The following CDC14A variants were observed in gnomAD, a reference collection of about 807,000 sequenced individuals.
CDC14A encodes dual specificity protein phosphatase CDC14A.
CDC14A carries 53 observed loss-of-function variants against 74.4 expected under a neutral mutation model. The ratio of observed to expected loss-of-function variants is 0.71; its 90% CI spans 0.57 to 0.89. The LOEUF (loss-of-function observed/expected upper bound fraction) is 0.89, where lower values mean the gene tolerates loss of function less well. CDC14A is among the 40% of genes least tolerant of loss of function. The pLI is 0.00. For missense variants in CDC14A, 646 were observed against 713.7 expected (o/e 0.91, Z 1.08); for synonymous variants, 247 against 258.4 (o/e 0.96, Z 0.43).
intron 7 of CDC14A, among the ~76,000 whole-genome samples, chr1:100,447,275 G>A: frequency 6.6e-6 from 1 of 152,174 alleles, no homozygotes; most frequent in Admixed American, 6.5e-5. Flanking sequence ...CTTAAAAATG[G>A]CCCATTGTAT....
chr1:100,352,348 C>T (rs1570928844), upstream of CDC14A: 3 of 537,178 alleles, frequency 5.6e-6, no homozygotes, highest in Non-Finnish European at 4.7e-6. Context: ...GGGGCTGCTG[C>T]GGAGAAAGGA....
intron 10 of CDC14A, among the ~76,000 whole-genome samples, chr1:100,477,611 G>A (rs935136775): frequency 1.3e-5 from 2 of 151,398 alleles, no homozygotes; most frequent in Non-Finnish European, 3.0e-5. Context: ...GACATTTCAA[G>A]AAAAAAGAAA....
chr1:100,453,612 CTTAGA>C (rs1270013385), intron 7 of CDC14A, among the ~76,000 whole-genome samples: 1 of 152,008 alleles, frequency 6.6e-6, no homozygotes, highest in Non-Finnish European at 1.5e-5. Context: ...CTCAGGGTTT[CTTAGA>C]TTTTACTTAG....
At chr1:100,413,472 AT>A (rs1661132451) in intron 4 of CDC14A, among the ~76,000 whole-genome samples, 1 of 152,248 alleles carries the variant, frequency 6.6e-6, no homozygotes, top group African/African-American at 2.4e-5. Flanking sequence ...GCTTCTTAAA[AT>A]TTTAATTTTA....
chr1:100,516,489 C>G lies in CDC14A; in HGVS notation c.1756-1762C>G, dbSNP rs563310945. ...TCTGATTTCTGTTAGTGATAACATG[C>G]ACAACTTTACTAATCGGAACAAAAG... is the stretch of plus-strand genomic sequence containing the variant. On this transcript the variant is annotated intron_variant, in intron 15 of 15. Transcript: ENST00000336454. 4.6e-5 allele frequency among the ~76,000 whole-genome samples: 7 copies of G among 152,224 alleles called. No homozygotes were observed. In the East Asian group the frequency reaches 1.4e-3, roughly 29 times the overall value.
At chr1:100,351,676 C>T (rs1386325430), upstream of CDC14A, 8 of 1,436,406 alleles carry the variant, frequency 5.6e-6, no homozygotes, top group African/African-American at 4.2e-5. Context: ...CCCTCCGGGA[C>T]CGGAGCACTG....
At chr1:100,428,498 G>A (rs1663216438) in intron 5 of CDC14A, among the ~76,000 whole-genome samples, 1 of 152,326 alleles carries the variant, frequency 6.6e-6, no homozygotes, top group South Asian at 2.1e-4. Context: ...AGACTCAGCA[G>A]AGTTTGAATT....
chr1:100,402,718 C>T lies in CDC14A; in HGVS notation c.309+11894C>T, dbSNP rs892007171. 2.6e-5 allele frequency among the ~76,000 whole-genome samples: 4 copies of T among 152,118 alleles called. No homozygotes were observed. In the East Asian group the frequency reaches 7.7e-4, roughly 29 times the overall value. On this transcript the variant is annotated intron_variant, in intron 4 of 15. Coordinates refer to ENST00000336454, the MANE Select transcript of CDC14A (RefSeq NM_003672.4). ...CCAGCTAATGGAGAAGGACTAGAAC[C>T]CCGATCCCTAAGTTTCTAGCTGGGA...
chr1:100,370,807 AT>A (rs1654379505), intron 2 of CDC14A, among the ~76,000 whole-genome samples: 1 of 152,136 alleles, frequency 6.6e-6, no homozygotes, highest in Non-Finnish European at 1.5e-5. Context: ...TTGGTTCCAT[AT>A]GAATTTTAGA....
At chr1:100,427,776 C>T (rs889316544) in intron 5 of CDC14A, among the ~76,000 whole-genome samples, 4 of 152,114 alleles carry the variant, frequency 2.6e-5, no homozygotes, top group Non-Finnish European at 5.9e-5. Flanking sequence ...GTACCTGCTG[C>T]AGGAGAGCTC....
intron 3 of CDC14A, chr1:100,383,328 C>T (rs1656410547): frequency 6.6e-6 from 1 of 152,454 alleles, no homozygotes; most frequent in Non-Finnish European, 1.5e-5. Flanking sequence ...ATCAAATGTG[C>T]CATTTCATTA....
chr1:100,369,074 T>C lies in CDC14A; in HGVS notation c.141-8472T>C, dbSNP rs370633757. ...GCCAACAGTGTGAATCTGTTGTTTT[T>C]TGACATTTTTTTTTTTTTTTTGAGA... On this transcript the variant is annotated intron_variant, in intron 2 of 15. Coordinates refer to ENST00000336454, the MANE Select transcript of CDC14A (RefSeq NM_003672.4). Among the ~76,000 whole-genome samples the C allele has an allele frequency of 1.5e-3, 220 of 149,720 alleles. 3 individuals are homozygous for C. In the South Asian group the frequency reaches 0.043, roughly 30 times the overall value.
At chr1:100,486,641 TG>T (rs1430904736) in intron 11 of CDC14A, among the ~76,000 whole-genome samples, 2 of 152,210 alleles carry the variant, frequency 1.3e-5, no homozygotes, top group African/African-American at 4.8e-5. Flanking sequence ...CATCACCTTG[TG>T]GGGTTGGGAT....
At chr1:100,485,392 G>T (rs1669926084) in intron 11 of CDC14A, 1 of 835,476 alleles carries the variant, frequency 1.2e-6, no homozygotes, top group African/African-American at 1.8e-5. Context: ...AAGAAAAAAA[G>T]GACCTGTTCA....
At chr1:100,505,081 G>C in intron 15 of CDC14A, 4 of 770,006 alleles carry the variant, frequency 5.2e-6, no homozygotes, top group Non-Finnish European at 7.8e-6. Flanking sequence ...ATTTCAAAAA[G>C]TTCTTTTATA....
intron 7 of CDC14A, among the ~76,000 whole-genome samples, chr1:100,447,154 T>C (rs926583309): frequency 1.3e-5 from 2 of 152,212 alleles, no homozygotes; most frequent in Non-Finnish European, 2.9e-5. Flanking sequence ...CTAGGTTATA[T>C]CTCCTTGCTT....
intron 15 of CDC14A, among the ~76,000 whole-genome samples, chr1:100,513,909 A>C (rs1237193438): frequency 2.6e-5 from 4 of 152,158 alleles, no homozygotes; most frequent in African/African-American, 9.6e-5. Flanking sequence ...TTTGACATAA[A>C]AATTTTGGGG....
chr1:100,424,966 G>A (rs970110690), intron 5 of CDC14A, among the ~76,000 whole-genome samples: 1 of 152,052 alleles, frequency 6.6e-6, no homozygotes, highest in Admixed American at 6.6e-5. Flanking sequence ...CCAGGAGTTC[G>A]AGACCAGCCT....
intron 10 of CDC14A, among the ~76,000 whole-genome samples, chr1:100,479,871 A>G (rs952528243): frequency 1.3e-5 from 2 of 152,238 alleles, no homozygotes; most frequent in African/African-American, 4.8e-5. Context: ...ATTAAGGATA[A>G]TTAAGTATGT....
Sources: gnomAD v4.1 joint callset for allele counts (sites outside exome capture counted in the v4.1 genomes callset) on GRCh38, gnomAD v4.1.1 for gene constraint, MANE v1.5 for transcripts, NCBI Gene and HGNC (gene_info 2026-07-23, HGNC 2026-07-21) for gene names.